TAFA4: variants seen among roughly 807,000 people sequenced by gnomAD.
TAFA4 encodes the protein TAFA chemokine like family member 4.
In TAFA4, 20 loss-of-function variants were observed where a neutral mutation model predicts 21.1. That is an observed-to-expected ratio of 0.95 (90% CI 0.67 to 1.38). TAFA4 has a LOEUF of 1.38. Ranked by LOEUF, TAFA4 falls within the 40% of genes most tolerant of loss-of-function variation. TAFA4 has a pLI of 0.00. For missense variants in TAFA4, 211 were observed against 180.9 expected (o/e 1.17, Z -0.95); for synonymous variants, 71 against 67.4 (o/e 1.05, Z -0.26).
At chr3:68,740,626 C>T (rs920080035) in intron 4 of TAFA4, among the ~76,000 whole-genome samples, 3 of 152,074 alleles carry the variant, frequency 2.0e-5, no homozygotes, top group African/African-American at 7.2e-5. Flanking sequence ...CAAATATTTT[C>T]TACCATTCTC....
chr3:68,911,711 G>A (rs190484417), intron 1 of TAFA4, among the ~76,000 whole-genome samples: 1 of 152,308 alleles, frequency 6.6e-6, no homozygotes, highest in East Asian at 1.9e-4. Context: ...GGGATAAGGA[G>A]GGAAAACTGC....
At chr3:68,832,756 C>G (rs1704430352) in intron 3 of TAFA4, among the ~76,000 whole-genome samples, 1 of 152,362 alleles carries the variant, frequency 6.6e-6, no homozygotes, top group East Asian at 1.9e-4. Flanking sequence ...CGGAAGCTGT[C>G]TGCTGCCTTT....
intron 4 of TAFA4, among the ~76,000 whole-genome samples, chr3:68,746,134 A>C (rs1702453524): frequency 1.3e-5 from 2 of 152,056 alleles, no homozygotes; most frequent in Non-Finnish European, 2.9e-5. Flanking sequence ...GAGTTACACC[A>C]GTGGTTTCCC....
intron 3 of TAFA4, among the ~76,000 whole-genome samples, chr3:68,830,056 C>T (rs1027781870): frequency 6.6e-6 from 1 of 151,870 alleles, no homozygotes; most frequent in Non-Finnish European, 1.5e-5. Context: ...GGTTTTATTG[C>T]GTCTACTTGA....
At chr3:68,813,456 T>C (rs1412408900) in intron 3 of TAFA4, among the ~76,000 whole-genome samples, 1 of 151,892 alleles carries the variant, frequency 6.6e-6, no homozygotes, top group Non-Finnish European at 1.5e-5. Flanking sequence ...AAGAATCAAA[T>C]AGACACAATA....
At chr3:68,870,267 A>G (rs76845901) in intron 3 of TAFA4, among the ~76,000 whole-genome samples, 1 of 152,134 alleles carries the variant, frequency 6.6e-6, no homozygotes, top group Admixed American at 6.6e-5. Flanking sequence ...TAAAATGTCA[A>G]TACTACCCAA....
chr3:68,822,662 G>T (rs746223342), intron 3 of TAFA4, among the ~76,000 whole-genome samples: 1 of 152,090 alleles, frequency 6.6e-6, no homozygotes, highest in Non-Finnish European at 1.5e-5. Flanking sequence ...TAGAGATGGA[G>T]TTTAACCATG....
At chr3:68,807,329 G>A (rs981166290) in intron 3 of TAFA4, among the ~76,000 whole-genome samples, 1 of 152,204 alleles carries the variant, frequency 6.6e-6, no homozygotes, top group Non-Finnish European at 1.5e-5. Context: ...TATCTCTAGG[G>A]AGGACAGTGA....
chr3:68,734,857 T>G (rs1202358433), intron 5 of TAFA4, among the ~76,000 whole-genome samples: 1 of 152,148 alleles, frequency 6.6e-6, no homozygotes, highest in African/African-American at 2.4e-5. Flanking sequence ...TCTATCAGTC[T>G]ACATCCGGGA....
intron 3 of TAFA4, among the ~76,000 whole-genome samples, chr3:68,798,382 C>T (rs1375658407): frequency 6.6e-6 from 1 of 152,056 alleles, no homozygotes; most frequent in African/African-American, 2.4e-5. Flanking sequence ...AATTATGAGC[C>T]ATCAATTTTT....
chr3:68,910,880 A>G (rs1226678112), intron 1 of TAFA4, among the ~76,000 whole-genome samples: 1 of 152,226 alleles, frequency 6.6e-6, no homozygotes, highest in East Asian at 1.9e-4. Context: ...TAAAACATCA[A>G]TAAAAGGTTA....
intron 1 of TAFA4, among the ~76,000 whole-genome samples, chr3:68,908,227 C>A (rs2089923261): frequency 6.6e-6 from 1 of 152,106 alleles, no homozygotes; most frequent in Admixed American, 6.5e-5. Flanking sequence ...TAGAGACTCC[C>A]TAAGAGACAC....
intron 1 of TAFA4, 133 bp downstream of exon 1, chr3:68,932,107 C>T (rs985982813): frequency 6.6e-6 from 1 of 152,156 alleles, no homozygotes; most frequent in Non-Finnish European, 1.5e-5. Context: ...ATGAGGGGAG[C>T]TGCACCGAGC....
intron 3 of TAFA4, among the ~76,000 whole-genome samples, chr3:68,757,501 A>G (rs1314380183): frequency 6.6e-6 from 1 of 152,204 alleles, no homozygotes; most frequent in South Asian, 2.1e-4. Context: ...TAATGAAAGC[A>G]GCTTTAAACC....
chr3:68,813,051 T>A (rs543473627), intron 3 of TAFA4, among the ~76,000 whole-genome samples: 3,465 of 152,124 alleles, frequency 0.023, 129 homozygotes, highest in African/African-American at 0.08. Context: ...ACATGGAAAC[T>A]GAACAACCTG....
intron 1 of TAFA4, among the ~76,000 whole-genome samples, chr3:68,922,487 C>T (rs1264663962): frequency 6.6e-6 from 1 of 152,182 alleles, no homozygotes; most frequent in African/African-American, 2.4e-5. Context: ...TTGCAATCAG[C>T]ATAAACCCTA....
chr3:68,819,013 C>T (rs1290372523), intron 3 of TAFA4, among the ~76,000 whole-genome samples: 3 of 152,076 alleles, frequency 2.0e-5, no homozygotes, highest in Non-Finnish European at 4.4e-5. Flanking sequence ...GCTCATATGC[C>T]TACAATCCCA....
intron 3 of TAFA4, among the ~76,000 whole-genome samples, chr3:68,845,362 G>A (rs1704761276): frequency 6.6e-6 from 1 of 151,632 alleles, no homozygotes; most frequent in Non-Finnish European, 1.5e-5. Context: ...CATTTACTTG[G>A]TAAGTATTCT....
At chr3:68,913,548 A>T (rs1291290068) in intron 1 of TAFA4, 1 of 152,224 alleles carries the variant, frequency 6.6e-6, no homozygotes. Context: ...CAAAGACAAA[A>T]TGTGTTTTAT....
Sources: allele counts gnomAD v4.1 joint callset (sites outside exome capture counted in the v4.1 genomes callset), GRCh38; gene constraint gnomAD v4.1.1; transcripts MANE v1.5; gene names NCBI Gene and HGNC (gene_info 2026-07-23, HGNC 2026-07-21).